ZCCHC24: variants seen among roughly 807,000 people sequenced by gnomAD.
The protein encoded by ZCCHC24 is zinc finger CCHC domain-containing protein 24.
In ZCCHC24, 10 loss-of-function variants were observed where a neutral mutation model predicts 26.2. The ratio of observed to expected loss-of-function variants is 0.38; its 90% confidence interval spans 0.24 to 0.65. The LOEUF (loss-of-function observed/expected upper bound fraction) is 0.65. ZCCHC24 is among the 30% of genes least tolerant of loss of function. The pLI, the probability that ZCCHC24 is intolerant of heterozygous loss-of-function variation, is 0.54. For missense variants in ZCCHC24, 243 were observed against 329.1 expected (o/e 0.74, Z 2.03); for synonymous variants, 144 against 147.1 (o/e 0.98, Z 0.15).
intron 2 of ZCCHC24, among the ~76,000 whole-genome samples, chr10:79,405,726 G>A (rs1181297414): frequency 2.0e-5 from 3 of 152,256 alleles, no homozygotes; most frequent in Non-Finnish European, 4.4e-5. Flanking sequence ...GGCTTTGGGT[G>A]TGAGGGCCAC....
At chr10:79,436,523 C>T (rs1461011222) in intron 1 of ZCCHC24, among the ~76,000 whole-genome samples, 3 of 152,232 alleles carry the variant, frequency 2.0e-5, no homozygotes, top group Non-Finnish European at 2.9e-5. Context: ...GGGATCATGG[C>T]GCAGCCCCGC....
At chr10:79,418,936 G>A (rs1856902349) in intron 2 of ZCCHC24, among the ~76,000 whole-genome samples, 1 of 151,936 alleles carries the variant, frequency 6.6e-6, no homozygotes, top group South Asian at 2.1e-4. Context: ...AGGGGGATAG[G>A]AGAGAAGAGA....
intron 3 of ZCCHC24, 124 bp downstream of exon 3, chr10:79,394,152 G>T: frequency 7.5e-7 from 1 of 1,340,750 alleles, no homozygotes; most frequent in Non-Finnish European, 1.0e-6. Flanking sequence ...TTTCAGATGA[G>T]ACAAGGAAAG....
intron 2 of ZCCHC24, among the ~76,000 whole-genome samples, chr10:79,415,939 G>T (rs1309507688): frequency 6.6e-6 from 1 of 152,182 alleles, no homozygotes; most frequent in Non-Finnish European, 1.5e-5. Context: ...TCCTAGACCA[G>T]TGTTTCCCAT....
chr10:79,445,140 A>ACGGTGGAG (rs1554843358), intron 1 of ZCCHC24, 55 bp downstream of exon 1: 9 of 1,099,252 alleles, frequency 8.2e-6, no homozygotes, highest in Non-Finnish European at 1.0e-5. Flanking sequence ...ACGGCCCGCC[A>ACGGTGGAG]CGGTGGGGCG....
At chr10:79,435,252 G>T (rs753232930) in intron 1 of ZCCHC24, among the ~76,000 whole-genome samples, 15 of 150,122 alleles carry the variant, frequency 1.0e-4, no homozygotes, top group African/African-American at 2.0e-4. Context: ...TAAGATTTAA[G>T]CAAGTCCACA....
intron 2 of ZCCHC24, among the ~76,000 whole-genome samples, chr10:79,406,491 T>G (rs1856715557): frequency 6.6e-6 from 1 of 152,180 alleles, no homozygotes; most frequent in East Asian, 1.9e-4. Context: ...ATTCCCAAAC[T>G]GACCTTTCTC....
intron 1 of ZCCHC24, among the ~76,000 whole-genome samples, chr10:79,438,371 T>A (rs933066421): frequency 6.6e-6 from 1 of 152,108 alleles, no homozygotes; most frequent in Non-Finnish European, 1.5e-5. Context: ...ACATGTCCGA[T>A]ATATACAGAG....
chr10:79,444,478 C>CG (rs1292072814), intron 1 of ZCCHC24, among the ~76,000 whole-genome samples: 1 of 152,068 alleles, frequency 6.6e-6, no homozygotes, highest in East Asian at 1.9e-4. Context: ...CTCTCCCCCC[C>CG]CCTTTCTAGC....
At chr10:79,435,011 T>C (rs964287870) in intron 1 of ZCCHC24, among the ~76,000 whole-genome samples, 1 of 151,908 alleles carries the variant, frequency 6.6e-6, no homozygotes, top group Non-Finnish European at 1.5e-5. Context: ...GGTCTCCCCT[T>C]ATCTTGACTC....
intron 2 of ZCCHC24, among the ~76,000 whole-genome samples, chr10:79,406,808 A>C (rs1232960549): frequency 6.6e-6 from 1 of 152,186 alleles, no homozygotes; most frequent in South Asian, 2.1e-4. Flanking sequence ...TGCCTCCTAC[A>C]TGGCCTTGAG....
At chr10:79,433,074 A>T (rs1024173616) in intron 1 of ZCCHC24, among the ~76,000 whole-genome samples, 2 of 152,232 alleles carry the variant, frequency 1.3e-5, no homozygotes, top group Non-Finnish European at 2.9e-5. Context: ...AGTAAATGGC[A>T]ATGATGTTGA....
chr10:79,436,117 T>C (rs1012198344), intron 1 of ZCCHC24, among the ~76,000 whole-genome samples: 2 of 152,186 alleles, frequency 1.3e-5, no homozygotes, highest in African/African-American at 2.4e-5. Flanking sequence ...ATCTGTTCTG[T>C]GGCCTTCCTT....
chr10:79,423,124 A>G (rs1005847195), intron 2 of ZCCHC24, among the ~76,000 whole-genome samples: 2 of 152,156 alleles, frequency 1.3e-5, no homozygotes, highest in Non-Finnish European at 2.9e-5. Context: ...TTCATGTCCT[A>G]TCATAGGAGA....
At chr10:79,439,766 A>G (rs2014371) in intron 1 of ZCCHC24, among the ~76,000 whole-genome samples, 97,219 of 147,830 alleles carry the variant, frequency 0.66, 32,716 homozygotes, top group African/African-American at 0.81. Flanking sequence ...CTGCACTCCA[A>G]CCTAGGTGAC....
At chr10:79,416,771 A>G (rs776207157) in intron 2 of ZCCHC24, among the ~76,000 whole-genome samples, 14 of 152,162 alleles carry the variant, frequency 9.2e-5, no homozygotes, top group Non-Finnish European at 1.9e-4. Flanking sequence ...CAAGTCACTT[A>G]GCCTCTCTGT....
intron 1 of ZCCHC24, among the ~76,000 whole-genome samples, chr10:79,443,713 T>C (rs565310203): frequency 6.6e-6 from 1 of 152,282 alleles, no homozygotes; most frequent in Admixed American, 6.5e-5. Flanking sequence ...TGAAGCCAAT[T>C]CCCTGAAGAG....
At chr10:79,411,115 G>A (rs1455522667) in intron 2 of ZCCHC24, among the ~76,000 whole-genome samples, 4 of 152,140 alleles carry the variant, frequency 2.6e-5, no homozygotes, top group Non-Finnish European at 5.9e-5. Flanking sequence ...GTGATGGATG[G>A]CAGCCTCATG....
chr10:79,432,819 C>T (rs1857152480), intron 1 of ZCCHC24, 61 bp from the exon 2 acceptor site: 2 of 1,544,108 alleles, frequency 1.3e-6, no homozygotes, highest in African/African-American at 1.4e-5. Flanking sequence ...CCATAACCCC[C>T]CACCCAAACA....
Sources: allele counts gnomAD v4.1 joint callset (sites outside exome capture counted in the v4.1 genomes callset), GRCh38; gene constraint gnomAD v4.1.1; transcripts MANE v1.5; gene names NCBI Gene and HGNC (gene_info 2026-07-23, HGNC 2026-07-21).